The following PRKAR1A variants were observed in gnomAD, a reference collection of about 807,000 sequenced individuals.
PRKAR1A encodes protein kinase cAMP-dependent type I regulatory subunit alpha.
PRKAR1A carries 3 observed loss-of-function variants against 52.0 expected under a neutral mutation model. That is an observed-to-expected ratio of 0.06 (90% CI 0.03 to 0.15). PRKAR1A has a LOEUF of 0.15. Ranked by LOEUF, PRKAR1A falls within the 10% of genes least tolerant of loss-of-function variation. The pLI is 1.00. For synonymous variants in PRKAR1A, 188 were observed against 168.4 expected (o/e 1.12, Z -0.90); for missense variants, 240 against 477.4 (o/e 0.50, Z 4.63).
chr17:68,470,823 CA>C, the PRKAR1A span, among the ~76,000 whole-genome samples: 5 of 152,242 alleles, frequency 3.3e-5, no homozygotes, highest in South Asian at 6.2e-4. Context: ...ATTTCATAGA[CA>C]AAGAAATGGA....
At chr17:68,467,433 G>GT in the PRKAR1A span, among the ~76,000 whole-genome samples, 8 of 152,184 alleles carry the variant, frequency 5.3e-5, no homozygotes, top group Admixed American at 2.6e-4. Context: ...GTTATTTTCT[G>GT]TTTTTTTGTT....
rs1399347695 is a variant in PRKAR1A at position 68,540,563 on chromosome 17, T to C, written c.974-10521T>C. The C allele has an allele frequency of 5.6e-6, 3 of 532,270 alleles. No homozygotes were observed. The African/African-American group carries it at 5.7e-5, about 10-fold the overall frequency. The allele number at this position is 532,270 out of a possible 1,614,324, so 33.0% of individuals were successfully genotyped here. On this transcript the variant is annotated intron_variant, in intron 11 of 11. Transcript: ENST00000585981. ...CCTTCCTACCTGGTTTCCCCTCACT[T>C]GGTGAAGTGAACATACAGCTTCCAA...
At position 68,531,029 on chromosome 17, in the gene PRKAR1A, T is replaced by TC; in HGVS notation, c.*580_*581insC. 5.6e-6 allele frequency: 6 copies of TC among 1,069,096 alleles called. No individual in the cohort carries two copies. The highest frequency in any genetic ancestry group is 4.5e-6 in the Non-Finnish European group (4 of 881,472). The allele number at this position is 1,069,096 out of a possible 1,614,324, so 66.2% of individuals were successfully genotyped here. On this transcript the variant is annotated 3_prime_UTR_variant, in exon 11 of 11. Coordinates refer to ENST00000589228, the MANE Select transcript of PRKAR1A (RefSeq NM_002734.5). ...CAATGGGATATGATTGGTTCAGTTT[T>TC]TTTTTTTCCAGAGTTGTTGTTTGCC...
the PRKAR1A span, among the ~76,000 whole-genome samples, chr17:68,429,658 G>T: frequency 6.6e-6 from 1 of 151,930 alleles, no homozygotes; most frequent in Non-Finnish European, 1.5e-5. Context: ...GCATGATCTC[G>T]GCTCACTGCA....
chr17:68,457,497 G>T, the PRKAR1A span: 1 of 1,263,606 alleles, frequency 7.9e-7, no homozygotes. Context: ...CCGGCTCCAC[G>T]GGCCGGGTCG....
At chr17:68,542,205 C>T (rs1216392532) in intron 11 of PRKAR1A, 11 of 1,608,750 alleles carry the variant, frequency 6.8e-6, no homozygotes, top group Non-Finnish European at 8.5e-6. Context: ...AAGTGGAGGG[C>T]TCTGGAGGCA....
At chr17:68,523,926 A>G in intron 4 of PRKAR1A, 90 bp from the exon 5 acceptor site, 1 of 1,572,524 alleles carries the variant, frequency 6.4e-7, no homozygotes, top group Non-Finnish European at 8.8e-7. Context: ...TCACCAGATG[A>G]CAGTCTGGGG....
Position 68,517,907 on chromosome 17 carries a change from T to C in PRKAR1A, c.177+2331T>C, listed in dbSNP as rs1021245622. On this transcript the variant is annotated intron_variant, in intron 2 of 10. Coordinates refer to ENST00000589228, the MANE Select transcript of PRKAR1A (RefSeq NM_002734.5). ...CAAGTTAGTTACTTCCTGGGGTCAT[T>C]GGGTAGATAACACCCATTCCAAATG... 3.9e-5 allele frequency among the ~76,000 whole-genome samples: 6 copies of C among 152,192 alleles called. No individual in the cohort carries two copies. In the East Asian group the frequency reaches 9.6e-4, roughly 24 times the overall value.
chr17:68,542,574 G>T (rs766101285), intron 11 of PRKAR1A: 1 of 793,034 alleles, frequency 1.3e-6, no homozygotes, highest in Non-Finnish European at 2.2e-6. Context: ...AACTTCATAC[G>T]CCCATCCCAG....
At chr17:68,500,511 ATT>A in the PRKAR1A span, among the ~76,000 whole-genome samples, 16,696 of 140,354 alleles carry the variant, frequency 0.12, 898 homozygotes, top group Middle Eastern at 0.16. Flanking sequence ...AGTCTCGAGT[ATT>A]TTTTTTTTTT....
rs905876588 is a variant in PRKAR1A at position 68,532,091 on chromosome 17, T to C, written c.*1642T>C. 2 of 1,064,882 alleles carry C rather than the reference T, an allele frequency of 1.9e-6. No individual in the cohort carries two copies. Among genetic ancestry groups the C allele is most frequent in the Admixed American group, 5.3e-5 (1 of 18,730 alleles). 66.0% of individuals were successfully genotyped at this position (1,064,882 alleles called of 1,614,324 possible). The stretch of plus-strand genomic sequence containing the variant: ...ATCTGGGGAAGAGGTTTTATTTACA[T>C]TTTAGGGTGGGTAAGAAAGCCACCT... On this transcript the variant is annotated 3_prime_UTR_variant, in exon 11 of 11. Transcript: ENST00000589228.
chr17:68,535,123 CA>C (rs2086065105), downstream of PRKAR1A: 1 of 368,642 alleles, frequency 2.7e-6, no homozygotes, highest in African/African-American at 2.1e-5. Flanking sequence ...TTCTCAGAGT[CA>C]AGAGACTTTT....
Position 68,532,517 on chromosome 17 carries a change from A to G in PRKAR1A, c.*2068A>G, listed in dbSNP as rs953847542. Reference sequence around the variant, plus strand: ...CTTTATCTTTGTGTAATCTAAGTATATGTGAGAAATCAGAATTGGCATAAT... The same window carrying G: ...CTTTATCTTTGTGTAATCTAAGTATGTGTGAGAAATCAGAATTGGCATAAT... On this transcript the variant is annotated 3_prime_UTR_variant, in exon 11 of 11. Coordinates refer to ENST00000589228, the MANE Select transcript of PRKAR1A (RefSeq NM_002734.5). 3 of 1,063,064 alleles carry G rather than the reference A, an allele frequency of 2.8e-6. No homozygotes were observed. The highest frequency in any genetic ancestry group is 3.4e-6 in the Non-Finnish European group (3 of 877,028). The allele number at this position is 1,063,064 out of a possible 1,614,324, so 65.9% of individuals were successfully genotyped here. A position where few individuals can be genotyped will look rare whatever the true frequency, so the allele number is the denominator to read the frequency against.
chr17:68,523,903 T>A (rs1029482602), intron 4 of PRKAR1A, 87 bp downstream of exon 4: 9 of 1,573,910 alleles, frequency 5.7e-6, no homozygotes, highest in Non-Finnish European at 7.9e-6. Context: ...GTTTTAGAGC[T>A]CTTAGTAATT....
intron 11 of PRKAR1A, among the ~76,000 whole-genome samples, chr17:68,548,643 C>T (rs67962977): frequency 0.19 from 29,508 of 151,494 alleles, 3,033 homozygotes; most frequent in African/African-American, 0.26. Flanking sequence ...GCAGGGTTGC[C>T]ACAAGCCTTC....
chr17:68,435,503 A>T, the PRKAR1A span: 1 of 971,180 alleles, frequency 1.0e-6, no homozygotes, highest in Non-Finnish European at 1.6e-6. Context: ...ACAAATTCTG[A>T]GTGGGCCCAG....
the PRKAR1A span, among the ~76,000 whole-genome samples, chr17:68,492,452 C>G: frequency 6.6e-6 from 1 of 152,084 alleles, no homozygotes. Context: ...GCCATGGGAG[C>G]AGAGCCACTG....
At chr17:68,472,483 A>C in the PRKAR1A span, among the ~76,000 whole-genome samples, 1 of 152,210 alleles carries the variant, frequency 6.6e-6, no homozygotes, top group Non-Finnish European at 1.5e-5. Context: ...ATGGAAACGT[A>C]GGGTTTCCTG....
chr17:68,450,933 G>C, the PRKAR1A span: 75 of 1,587,258 alleles, frequency 4.7e-5, no homozygotes, highest in East Asian at 1.2e-3. Flanking sequence ...TACATGGATT[G>C]ATCACTTCCA....
Sources: gnomAD v4.1 joint callset for allele counts (sites outside exome capture counted in the v4.1 genomes callset) on GRCh38, gnomAD v4.1.1 for gene constraint, MANE v1.5 for transcripts, NCBI Gene and HGNC (gene_info 2026-07-23, HGNC 2026-07-21) for gene names.